ABLIM1: variants seen among roughly 807,000 people sequenced by gnomAD.
ABLIM1 encodes actin binding LIM protein 1, also known as actin-binding LIM protein 1.
Under a neutral mutation model 107.0 loss-of-function variants are expected in ABLIM1, and 40 were observed. The ratio of observed to expected loss-of-function variants is 0.37; its 90% CI spans 0.29 to 0.49. ABLIM1 has a LOEUF of 0.49. Ranked by LOEUF, ABLIM1 falls within the 20% of genes least tolerant of loss-of-function variation. The pLI is 0.97. For synonymous variants in ABLIM1, 357 were observed against 357.3 expected (o/e 1.00, Z 0.01); for missense variants, 857 against 1,008.5 (o/e 0.85, Z 2.04).
At chr10:114,603,206 C>T (rs1344129882) in intron 1 of ABLIM1, among the ~76,000 whole-genome samples, 3 of 152,178 alleles carry the variant, frequency 2.0e-5, no homozygotes, top group Non-Finnish European at 4.4e-5. Flanking sequence ...GTTTAGAAAA[C>T]ACCTTACAAC....
At chr10:114,625,487 G>C (rs72831045) in intron 1 of ABLIM1, among the ~76,000 whole-genome samples, 6,532 of 152,256 alleles carry the variant, frequency 0.043, 186 homozygotes, top group Middle Eastern at 0.068. Context: ...TTGAGAAAAA[G>C]AGCACTGTCC....
At chr10:114,484,962 T>C (rs909388236) in intron 8 of ABLIM1, among the ~76,000 whole-genome samples, 6 of 152,258 alleles carry the variant, frequency 3.9e-5, no homozygotes, top group Non-Finnish European at 7.3e-5. Context: ...TTTTCTTGCC[T>C]ATGAGGCTGG....
At chr10:114,466,695 G>A (rs1028114167) in intron 11 of ABLIM1, among the ~76,000 whole-genome samples, 9 of 152,152 alleles carry the variant, frequency 5.9e-5, no homozygotes, top group African/African-American at 1.9e-4. Context: ...GTTGATGGTT[G>A]CCATAAAGCC....
intron 1 of ABLIM1, among the ~76,000 whole-genome samples, chr10:114,622,324 G>A (rs2497671): frequency 0.027 from 3,888 of 145,656 alleles, 162 homozygotes; most frequent in African/African-American, 0.092. Context: ...ATGGCTCATC[G>A]CATCCTCGAC....
chr10:114,745,591 C>T (rs142802727), intron 1 of ABLIM1, among the ~76,000 whole-genome samples: 32 of 151,840 alleles, frequency 2.1e-4, no homozygotes, highest in Non-Finnish European at 3.8e-4. Context: ...CCTAATTGGC[C>T]GGGCACAGTG....
intron 8 of ABLIM1, among the ~76,000 whole-genome samples, chr10:114,486,399 T>C (rs974022315): frequency 2.2e-4 from 33 of 152,286 alleles, no homozygotes; most frequent in African/African-American, 7.9e-4. Flanking sequence ...CTATAGCTAC[T>C]GGGGTGGTTT....
intron 1 of ABLIM1, among the ~76,000 whole-genome samples, chr10:114,706,626 C>T (rs2081427507): frequency 6.6e-6 from 1 of 152,128 alleles, no homozygotes; most frequent in Non-Finnish European, 1.5e-5. Context: ...CTCTCCACAC[C>T]AATGTAATGA....
intron 1 of ABLIM1, among the ~76,000 whole-genome samples, chr10:114,683,284 C>T (rs1169558156): frequency 6.6e-6 from 1 of 152,174 alleles, no homozygotes; most frequent in Non-Finnish European, 1.5e-5. Flanking sequence ...TTCGTCTTTC[C>T]AGTAAACGTC....
At position 114,571,414 on chromosome 10, in the gene ABLIM1, C is replaced by A. The variant is rs1216115129; in HGVS notation, c.564-8G>T. The A allele has an allele frequency of 6.2e-7, 1 of 1,613,216 alleles. No homozygotes were observed. Among genetic ancestry groups the A allele is most frequent in the East Asian group, 2.2e-5 (1 of 44,866 alleles). ...CCGGGTGGAAACGGGCGCCTGGAGG[C>A]AGAAAGACATCGCCCTCAAGGTTAT... is the stretch of plus-strand genomic sequence containing the variant. On this transcript the variant is annotated splice_polypyrimidine_tract_variant and splice_region_variant and intron_variant, in intron 3 of 22. Coordinates refer to ENST00000533213, the MANE Select transcript of ABLIM1 (RefSeq NM_002313.7).
intron 3 of ABLIM1, among the ~76,000 whole-genome samples, chr10:114,573,077 A>T (rs1366341746): frequency 6.6e-6 from 1 of 152,154 alleles, no homozygotes; most frequent in Non-Finnish European, 1.5e-5. Context: ...GGGCCTTCTG[A>T]AGGGTGGGTT....
intron 17 of ABLIM1, among the ~76,000 whole-genome samples, chr10:114,442,835 AC>A (rs1565230081): frequency 1.6e-5 from 2 of 123,810 alleles, no homozygotes; most frequent in Admixed American, 8.3e-5. Context: ...CATGGAGTGA[AC>A]ATTAAATGCA....
chr10:114,476,757 A>T (rs2056499610), intron 8 of ABLIM1, among the ~76,000 whole-genome samples: 2 of 152,068 alleles, frequency 1.3e-5, no homozygotes, highest in South Asian at 4.1e-4. Flanking sequence ...CTTTACAAGG[A>T]GATGCTACCC....
chr10:114,568,486 A>T (rs1433322167), intron 4 of ABLIM1, among the ~76,000 whole-genome samples: 3 of 152,246 alleles, frequency 2.0e-5, no homozygotes, highest in Non-Finnish European at 4.4e-5. Flanking sequence ...AAGAGTCACG[A>T]ATAGCAAACA....
At chr10:114,704,302 C>CTCTCTCTCTCTCTCTATATATATA (rs1380460034) in intron 1 of ABLIM1, among the ~76,000 whole-genome samples, 2 of 43,058 alleles carry the variant, frequency 4.6e-5, no homozygotes, top group Non-Finnish European at 9.5e-5. Flanking sequence ...CTCTCTCTCT[C>CTCTCTCTCTCTCTCTATATATATA]TATATATATA....
chr10:114,756,164 T>G (rs997031417), intron 1 of ABLIM1, among the ~76,000 whole-genome samples: 2 of 152,070 alleles, frequency 1.3e-5, no homozygotes, highest in African/African-American at 4.8e-5. Context: ...AGCTAGTTGC[T>G]CCAACATCGA....
intron 1 of ABLIM1, among the ~76,000 whole-genome samples, chr10:114,644,322 T>TATGTATATATTGTATATATAC (rs1566166963): frequency 3.5e-4 from 42 of 119,248 alleles, no homozygotes; most frequent in African/African-American, 1.6e-3. Context: ...TATATATATA[T>TATGTATATATTGTATATATAC]ATATATATGT....
At chr10:114,786,158 T>G in the ABLIM1 span, among the ~76,000 whole-genome samples, 1 of 152,372 alleles carries the variant, frequency 6.6e-6, no homozygotes, top group East Asian at 1.9e-4. Context: ...AGTAAATTAT[T>G]TGCAGATCAT....
At chr10:114,734,373 C>T (rs1262502603) in intron 1 of ABLIM1, among the ~76,000 whole-genome samples, 2 of 152,182 alleles carry the variant, frequency 1.3e-5, no homozygotes, top group South Asian at 2.1e-4. Flanking sequence ...ACCTCACATT[C>T]GTGCCCTCCA....
At chr10:114,779,564 G>A in the ABLIM1 span, 1 of 152,152 alleles carries the variant, frequency 6.6e-6, no homozygotes, top group Non-Finnish European at 1.5e-5. Context: ...TACATTATGT[G>A]TGTGTACATA....
Sources: gnomAD v4.1 joint callset for allele counts (sites outside exome capture counted in the v4.1 genomes callset) on GRCh38, gnomAD v4.1.1 for gene constraint, MANE v1.5 for transcripts, NCBI Gene and HGNC (gene_info 2026-07-23, HGNC 2026-07-21) for gene names.